Variants in GIGYF2 observed in about 807,000 individuals in gnomAD.
GIGYF2 encodes the protein GRB10 interacting GYF protein 2.
Under a neutral mutation model 208.1 loss-of-function variants are expected in GIGYF2, and 25 were observed. That is an observed-to-expected ratio of 0.12 (90% CI 0.09 to 0.17). GIGYF2 has a LOEUF of 0.17. Among genes scored for constraint, GIGYF2 ranks in the 10% least tolerant of loss-of-function variants. The pLI is 1.00. For synonymous variants in GIGYF2, 534 were observed against 543.8 expected (o/e 0.98, Z 0.25); for missense variants, 1,302 against 1,579.4 (o/e 0.82, Z 2.98).
At chr2:232,726,618 TTTTTTAG>T in intron 2 of GIGYF2, among the ~76,000 whole-genome samples, 1 of 152,044 alleles carries the variant, frequency 6.6e-6, no homozygotes, top group African/African-American at 2.4e-5. Context: ...AGTTTTTTGT[TTTTTTAG>T]TTTTTAAATA....
intron 12 of GIGYF2, among the ~76,000 whole-genome samples, chr2:232,793,430 A>G (rs770999712): frequency 9.9e-5 from 15 of 152,162 alleles, no homozygotes; most frequent in Non-Finnish European, 8.8e-5. Flanking sequence ...AAAGAGGATT[A>G]TAAGAGGATT....
chr2:232,760,553 T>A lies in GIGYF2; in HGVS notation c.453T>A (p.Gly151=). The change falls in exon 7 of 29, where the codon GGT becomes GGA. Residue 151 remains glycine, a synonymous_variant. Transcript: ENST00000373563. ...TAGAGGGTGTTTTTGGTCGAGGAGG[T>A]GGCAGAGAAATGCATAGATCGCAGA... ...DEVEGVFGRG[G]GREMHRSQSW... 6.2e-6 allele frequency: 10 copies of A among 1,613,280 alleles called. No individual in the cohort carries two copies. The highest frequency in any genetic ancestry group is 8.5e-6 in the Non-Finnish European group (10 of 1,179,496).
rs1700726618 is a variant in GIGYF2, at chr2:232,811,276, A to G, written c.1931A>G (p.Gln644Arg). ...QQYAQVLAQQQKAALSSQQQQ... is the reference protein window; with the variant it reads ...QQYAQVLAQQRKAALSSQQQQ... ...TATGCACAGGTTTTGGCCCAACAGC[A>G]GAAAGCAGCACTGTCTTCCCAGCAG... The change falls in exon 17 of 29, where the codon CAG becomes CGG. Residue 644 changes from glutamine to arginine, a missense_variant. Gln to Arg is a conservative substitution (Grantham distance 43). Coordinates refer to ENST00000373563, the MANE Select transcript of GIGYF2 (RefSeq NM_001103146.3). 6.2e-7 allele frequency: 1 copy of G among 1,612,298 alleles called. No individual in the cohort carries two copies. Among genetic ancestry groups the G allele is most frequent in the Non-Finnish European group, 8.5e-7 (1 of 1,178,336 alleles).
rs374403610 is a variant in GIGYF2, at chr2:232,787,807, A to G, written c.712+478A>G. Among the ~76,000 whole-genome samples, 131 of 152,382 alleles carry G rather than the reference A, an allele frequency of 8.6e-4. 1 individual carries two copies. The highest frequency in any genetic ancestry group is 2.6e-3 in the African/African-American group (109 of 41,590). On this transcript the variant is annotated intron_variant, in intron 9 of 28. Coordinates refer to ENST00000373563, the MANE Select transcript of GIGYF2 (RefSeq NM_001103146.3). ...GAAGAATAAGCTTTAAACCTAGGTC[A>G]GAAACATAATCACAAGTTCATTCTT...
intron 16 of GIGYF2, chr2:232,810,522 A>G (rs1408775015): frequency 2.0e-5 from 3 of 153,206 alleles, no homozygotes; most frequent in African/African-American, 7.2e-5. Context: ...TAGAAGAAAT[A>G]AGATTTGCTG....
Position 232,825,373 on chromosome 2 carries a change from A to G in GIGYF2, c.2529+5388A>G, listed in dbSNP as rs1420928903. Among the ~76,000 whole-genome samples, 2 of 152,224 alleles carry G rather than the reference A, an allele frequency of 1.3e-5. 1 individual carries two copies. Among genetic ancestry groups the G allele is most frequent in the Admixed American group, 1.3e-4 (2 of 15,270 alleles). On this transcript the variant is annotated intron_variant, in intron 21 of 28. Coordinates refer to ENST00000373563, the MANE Select transcript of GIGYF2 (RefSeq NM_001103146.3). ...AGGAAGTCAAAATGTCAACATTAAC[A>G]GAAGTTTGGAAAAAGTTGATTCCCA...
chr2:232,843,075 A>G (rs1701867925), intron 23 of GIGYF2: 1 of 150,148 alleles, frequency 6.7e-6, no homozygotes, highest in Non-Finnish European at 1.5e-5. Flanking sequence ...CTCATTATTT[A>G]TCTGCTTTTC....
At chr2:232,703,395 A>AT (rs1259535351) in intron 1 of GIGYF2, 29 bp from the exon 2 acceptor site, 3 of 152,618 alleles carry the variant, frequency 2.0e-5, no homozygotes, top group East Asian at 3.8e-4. Flanking sequence ...TTGCTGGGTG[A>AT]TTTATATTAA....
chr2:232,780,410 A>G (rs975766147), intron 8 of GIGYF2, among the ~76,000 whole-genome samples: 2 of 152,252 alleles, frequency 1.3e-5, no homozygotes, highest in Non-Finnish European at 1.5e-5. Context: ...TAACGTAAGG[A>G]CATAAAATAT....
chr2:232,842,002 T>TA (rs202146054), intron 23 of GIGYF2, among the ~76,000 whole-genome samples: 54 of 151,724 alleles, frequency 3.6e-4, no homozygotes, highest in Admixed American at 8.5e-4. Context: ...CTGGCTAATT[T>TA]AAAAAAAAAT....
In GIGYF2 at chr2:232,844,199, AAGCAGC is replaced by A. The variant is rs751210729; in HGVS notation, c.3060_3065del (p.Gln1021_Gln1022del). On this transcript the variant is annotated inframe_deletion, in exon 24 of 29. Coordinates refer to ENST00000373563, the MANE Select transcript of GIGYF2 (RefSeq NM_001103146.3). Reference sequence around the variant, plus strand: ...GCAGGAAGAGGCCAGGCAAATGCAAAAGCAGCAGCAGCAGCAGCAGCAACACCAGCA... The same window carrying A: ...GCAGGAAGAGGCCAGGCAAATGCAAAAGCAGCAGCAGCAGCAACACCAGCA... The A allele has an allele frequency of 1.6e-5, 25 of 1,561,554 alleles. No homozygotes were observed. Among genetic ancestry groups the A allele is most frequent in the Middle Eastern group, 1.7e-4 (1 of 6,002 alleles).
chr2:232,838,734 G>A (rs1701725459), intron 22 of GIGYF2, among the ~76,000 whole-genome samples: 1 of 152,044 alleles, frequency 6.6e-6, no homozygotes, highest in Admixed American at 6.6e-5. Context: ...GTCATTTCCT[G>A]TGGAGACAAA....
rs754789283 is a variant in GIGYF2 at position 232,791,379 on chromosome 2, G to A, written c.1215G>A (p.Thr405=). ...ERKDEPKTEQ[T]EKAEEETRME... ...AAGATGAACCAAAAACTGAGCAAAC[G>A]GAAAAAGCTGAAGAGGAGACTCGGA... is the stretch of plus-strand genomic sequence containing the variant. Residue 405 remains threonine (T), a synonymous_variant, in exon 12 of 29, where the codon ACG becomes ACA. Transcript: ENST00000373563. 2.0e-5 allele frequency: 33 copies of A among 1,613,928 alleles called. No homozygotes were observed. In the East Asian group the frequency reaches 5.1e-4, roughly 25 times the overall value.
At chr2:232,855,227 C>T (rs1254894692) in intron 28 of GIGYF2, among the ~76,000 whole-genome samples, 1 of 151,998 alleles carries the variant, frequency 6.6e-6, no homozygotes, top group African/African-American at 2.4e-5. Context: ...GCTGGGATTA[C>T]AGGCGTGCAG....
In GIGYF2 at chr2:232,806,544, A is replaced by C; in HGVS notation, c.1693A>C (p.Met565Leu). The change falls in exon 15 of 29, where the codon ATG becomes CTG. Residue 565 changes from methionine to leucine, a missense_variant. By Grantham distance (15) the Met-to-Leu change is conservative. This residue lies in a region of GIGYF2 where 69 missense variants were observed against 132.8 expected (regional missense o/e 0.52). Coordinates refer to ENST00000373563, the MANE Select transcript of GIGYF2 (RefSeq NM_001103146.3). This position sits in a 1 kb window ranked among gnomAD's most constrained non-coding sequence, Gnocchi z 4.0. ...ATGGTTTCAGGCGGGCTATTTTACT[A>C]TGTCTTTATTGGTGAAGAGAGCGTG... Reference protein sequence around the residue: ...AEWFQAGYFTMSLLVKRACDE... With the variant: ...AEWFQAGYFTLSLLVKRACDE... 6.2e-7 allele frequency: 1 copy of C among 1,610,426 alleles called. No individual in the cohort carries two copies. Among genetic ancestry groups the C allele is most frequent in the Non-Finnish European group, 8.5e-7 (1 of 1,176,652 alleles).
At chr2:232,846,197 A>G (rs1417338338) in intron 26 of GIGYF2, among the ~76,000 whole-genome samples, 2 of 152,180 alleles carry the variant, frequency 1.3e-5, no homozygotes, top group African/African-American at 4.8e-5. Context: ...AGCTATGTCA[A>G]GTTAAAAAAA....
intron 2 of GIGYF2, among the ~76,000 whole-genome samples, chr2:232,732,269 G>T (rs1273038805): frequency 6.6e-6 from 1 of 152,184 alleles, no homozygotes; most frequent in African/African-American, 2.4e-5. Context: ...GGGTTGTGCA[G>T]TGTCATCAGT....
At chr2:232,728,691 A>G (rs1204012021) in intron 2 of GIGYF2, among the ~76,000 whole-genome samples, 1 of 152,184 alleles carries the variant, frequency 6.6e-6, no homozygotes, top group Non-Finnish European at 1.5e-5. Context: ...TTGTGGGCAG[A>G]TGTTTTAATT....
intron 8 of GIGYF2, among the ~76,000 whole-genome samples, chr2:232,777,720 C>T (rs1574872098): frequency 6.7e-6 from 1 of 149,892 alleles, no homozygotes; most frequent in South Asian, 2.1e-4. Flanking sequence ...CACTGACCTT[C>T]AGAACTAGGG....
Sources: gnomAD v4.1 joint callset for allele counts (sites outside exome capture counted in the v4.1 genomes callset) on GRCh38, gnomAD v4.1.1 for gene constraint, gnomAD v4.1.1 regional missense constraint, Gnocchi (gnomAD v3.1) non-coding constraint, MANE v1.5 for transcripts, NCBI Gene and HGNC (gene_info 2026-07-23, HGNC 2026-07-21) for gene names.